Variants in SGIP1 observed in about 807,000 individuals in gnomAD.
SGIP1 encodes SH3-containing GRB2-like protein 3-interacting protein 1.
In SGIP1, 38 loss-of-function variants were observed where a neutral mutation model predicts 107.5. That is an observed-to-expected ratio of 0.35 (90% confidence interval 0.27 to 0.46). The LOEUF (loss-of-function observed/expected upper bound fraction) is 0.46, where lower values mean the gene tolerates loss of function less well. Ranked by LOEUF, SGIP1 falls within the 20% of genes least tolerant of loss-of-function variation. SGIP1 has a pLI of 1.00. For synonymous variants in SGIP1, 365 were observed against 366.1 expected (o/e 1.00, Z 0.03); for missense variants, 929 against 1,019.5 (o/e 0.91, Z 1.21).
intron 4 of SGIP1, among the ~76,000 whole-genome samples, chr1:66,637,102 G>T (rs1004814577): frequency 6.6e-6 from 1 of 151,960 alleles, no homozygotes. Flanking sequence ...GAGAAAAATC[G>T]TTGTTTATAT....
intron 13 of SGIP1, among the ~76,000 whole-genome samples, chr1:66,677,398 C>T (rs772598751): frequency 3.9e-5 from 6 of 152,162 alleles, no homozygotes; most frequent in African/African-American, 7.2e-5. Flanking sequence ...AGCAAGGGAG[C>T]TAAAGAAACT....
chr1:66,689,371 C>A, intron 16 of SGIP1, 96 bp downstream of exon 16: 2 of 1,451,654 alleles, frequency 1.4e-6, no homozygotes, highest in Non-Finnish European at 1.9e-6. Context: ...AGAACTCGTA[C>A]AAACAACCCT....
chr1:66,731,279 C>T (rs1448628797), intron 20 of SGIP1, among the ~76,000 whole-genome samples: 1 of 152,132 alleles, frequency 6.6e-6, no homozygotes, highest in African/African-American at 2.4e-5. Context: ...GTTTATTTTT[C>T]AAGGTTCCTC....
chr1:66,663,919 C>T (rs1047628837), intron 8 of SGIP1, among the ~76,000 whole-genome samples: 2 of 151,988 alleles, frequency 1.3e-5, no homozygotes, highest in Admixed American at 1.3e-4. Flanking sequence ...AGCAAAAAAC[C>T]GCAATTACTT....
chr1:66,598,404 C>T (rs74909020), intron 1 of SGIP1, among the ~76,000 whole-genome samples: 320 of 152,236 alleles, frequency 2.1e-3, no homozygotes, highest in African/African-American at 7.3e-3. Flanking sequence ...CCCAGGAAAA[C>T]GAAGTGAAAT....
At chr1:66,589,151 G>A (rs1477949881) in intron 1 of SGIP1, among the ~76,000 whole-genome samples, 40 of 106,024 alleles carry the variant, frequency 3.8e-4, no homozygotes, top group African/African-American at 1.3e-3. Flanking sequence ...AACTTTTTCT[G>A]ATAAAAGTTT....
At chr1:66,612,550 A>G (rs1048589632) in intron 1 of SGIP1, among the ~76,000 whole-genome samples, 15 of 152,340 alleles carry the variant, frequency 9.8e-5, no homozygotes, top group Middle Eastern at 3.4e-3. Context: ...TCAACTCTCA[A>G]CTAAAATGGT....
At chr1:66,710,839 G>A (rs72920353) in intron 18 of SGIP1, among the ~76,000 whole-genome samples, 3,339 of 152,146 alleles carry the variant, frequency 0.022, 121 homozygotes, top group African/African-American at 0.077. Flanking sequence ...TACTAAAGAA[G>A]AGGGAAAAAC....
chr1:66,639,893 G>A (rs1040878200), intron 5 of SGIP1, 60 bp downstream of exon 5: 11 of 1,400,122 alleles, frequency 7.9e-6, no homozygotes, highest in African/African-American at 1.4e-5. Flanking sequence ...AATGAGTTGA[G>A]GCATTCTTAT....
chr1:66,729,381 G>T lies in SGIP1; in HGVS notation c.1860G>T (p.Arg620Ser). 8 of 1,614,014 alleles carry T rather than the reference G, an allele frequency of 5.0e-6. No individual in the cohort carries two copies. The highest frequency in any genetic ancestry group is 4.2e-6 in the Non-Finnish European group (5 of 1,179,978). ...CTTTTCGGGTGATAAATTTCAGCAG[G>T]TTAGAACACGTCCTGCCAAACCCCC... ...ALTFRVINFS[R>S]LEHVLPNPQL... Residue 620 changes from arginine to serine, a missense_variant, in exon 20 of 25, where the codon AGG becomes AGT. By Grantham distance (110) the Arg-to-Ser change is moderately radical (BLOSUM62 -1). This residue lies in a region of SGIP1 where 341 missense variants were observed against 430.9 expected (regional missense o/e 0.79). Coordinates refer to ENST00000371037, the MANE Select transcript of SGIP1 (RefSeq NM_032291.4).
At chr1:66,608,998 A>ATCCCACAGGGATGAAGGTCACTTATC (rs2067389536) in intron 1 of SGIP1, among the ~76,000 whole-genome samples, 1 of 152,100 alleles carries the variant, frequency 6.6e-6, no homozygotes, top group South Asian at 2.1e-4. Context: ...GGTCACTTAT[A>ATCCCACAGGGATGAAGGTCACTTATC]TCCCACAGGG....
At chr1:66,626,594 G>A (rs1051036698) in intron 2 of SGIP1, among the ~76,000 whole-genome samples, 64 of 152,110 alleles carry the variant, frequency 4.2e-4, no homozygotes, top group African/African-American at 1.5e-3. Context: ...TGACCATCTT[G>A]AATTCTCCTG....
intron 1 of SGIP1, among the ~76,000 whole-genome samples, chr1:66,554,207 A>G (rs933766499): frequency 1.3e-4 from 20 of 152,158 alleles, no homozygotes; most frequent in African/African-American, 4.8e-4. Flanking sequence ...TCAGAACAAG[A>G]TGCTCCACAA....
At chr1:66,730,086 G>A (rs1413803270) in intron 20 of SGIP1, among the ~76,000 whole-genome samples, 2 of 152,180 alleles carry the variant, frequency 1.3e-5, no homozygotes, top group East Asian at 3.9e-4. Context: ...ACAGCCATGA[G>A]CCACCACGCC....
intron 1 of SGIP1, among the ~76,000 whole-genome samples, chr1:66,580,702 A>C (rs1458523105): frequency 1.3e-5 from 2 of 152,136 alleles, no homozygotes; most frequent in Non-Finnish European, 2.9e-5. Flanking sequence ...ATTATACAAG[A>C]ATTCTTAATT....
At chr1:66,657,605 C>G (rs1262202538) in intron 7 of SGIP1, among the ~76,000 whole-genome samples, 1 of 152,140 alleles carries the variant, frequency 6.6e-6, no homozygotes, top group Non-Finnish European at 1.5e-5. Flanking sequence ...GAGAGACTCT[C>G]CAGCTGCAGA....
chr1:66,630,906 G>A (rs867772765), intron 2 of SGIP1, among the ~76,000 whole-genome samples: 31 of 39,788 alleles, frequency 7.8e-4, no homozygotes, highest in South Asian at 2.0e-3. Context: ...AAAGAAAGAA[G>A]GGAGGGAGGG....
At chr1:66,539,412 G>A (rs1374919381) in intron 1 of SGIP1, among the ~76,000 whole-genome samples, 1 of 152,152 alleles carries the variant, frequency 6.6e-6, no homozygotes, top group African/African-American at 2.4e-5. Context: ...GAAGCGATGG[G>A]CCTCTATTCT....
At chr1:66,618,020 G>A (rs573051110) in intron 1 of SGIP1, among the ~76,000 whole-genome samples, 2 of 149,548 alleles carry the variant, frequency 1.3e-5, no homozygotes, top group Admixed American at 1.3e-4. Context: ...CATGCGCCAT[G>A]ATATAGAATC....
Sources: allele counts gnomAD v4.1 joint callset (sites outside exome capture counted in the v4.1 genomes callset), GRCh38; gene constraint gnomAD v4.1.1; regional missense constraint gnomAD v4.1.1; transcripts MANE v1.5; gene names NCBI Gene and HGNC (gene_info 2026-07-23, HGNC 2026-07-21).